Variants in RIMS2 observed in about 807,000 individuals in gnomAD.
RIMS2 encodes regulating synaptic membrane exocytosis 2, also known as regulating synaptic membrane exocytosis protein 2.
Under a neutral mutation model 174.4 loss-of-function variants are expected in RIMS2, and 59 were observed. The ratio of observed to expected loss-of-function variants is 0.34; its 90% CI spans 0.27 to 0.42. The LOEUF (loss-of-function observed/expected upper bound fraction) is 0.42, where lower values mean the gene tolerates loss of function less well. RIMS2 is among the 10% of genes least tolerant of loss of function. The probability of loss-of-function intolerance (pLI) is 1.00; values close to 1 mark genes in which losing one functional copy is unlikely to be tolerated. For synonymous variants in RIMS2, 606 were observed against 572.5 expected, an observed-to-expected ratio of 1.06 and a Z score of -0.84; for missense variants, 1,620 against 1,666.3, an observed-to-expected ratio of 0.97 and a Z score of 0.48.
At chr8:103,779,180 T>C (rs989915491) in intron 3 of RIMS2, among the ~76,000 whole-genome samples, 2 of 152,200 alleles carry the variant, frequency 1.3e-5, no homozygotes, top group Non-Finnish European at 2.9e-5. Context: ...GCAAATATTT[T>C]CTGCCATTAT....
intron 12 of RIMS2, among the ~76,000 whole-genome samples, chr8:103,935,361 T>C (rs1343599044): frequency 1.3e-5 from 2 of 152,222 alleles, no homozygotes; most frequent in African/African-American, 4.8e-5. Flanking sequence ...TATTAATTAG[T>C]GTATTTAATG....
chr8:104,203,805 A>G (rs1433987550), intron 19 of RIMS2, among the ~76,000 whole-genome samples: 1 of 152,142 alleles, frequency 6.6e-6, no homozygotes, highest in African/African-American at 2.4e-5. Context: ...TGCCTGATCT[A>G]CTTTTTATTT....
chr8:103,605,395 G>A (rs1357115617), intron 1 of RIMS2, among the ~76,000 whole-genome samples: 5 of 141,196 alleles, frequency 3.5e-5, no homozygotes, highest in South Asian at 2.2e-4. Context: ...TGCTGGATTC[G>A]TTTTGCCAGT....
chr8:104,001,857 C>G (rs2154552264), intron 17 of RIMS2, among the ~76,000 whole-genome samples: 1 of 152,164 alleles, frequency 6.6e-6, no homozygotes, highest in Non-Finnish European at 1.5e-5. Context: ...CTAAACACAA[C>G]CACCCACTAC....
At chr8:103,795,178 A>G (rs1156644831) in intron 3 of RIMS2, among the ~76,000 whole-genome samples, 2 of 152,234 alleles carry the variant, frequency 1.3e-5, no homozygotes, top group Admixed American at 1.3e-4. Flanking sequence ...AAGACCTGGA[A>G]CCAACCCAAA....
intron 19 of RIMS2, among the ~76,000 whole-genome samples, chr8:104,057,642 T>C (rs1339846546): frequency 6.6e-6 from 1 of 151,512 alleles, no homozygotes; most frequent in African/African-American, 2.4e-5. Flanking sequence ...TATGTATACA[T>C]GTGCCATGCT....
At chr8:103,883,448 T>C (rs1035070847) in intron 3 of RIMS2, among the ~76,000 whole-genome samples, 1 of 151,580 alleles carries the variant, frequency 6.6e-6, no homozygotes, top group Non-Finnish European at 1.5e-5. Context: ...CACAGAAACA[T>C]AGGGTGTTGG....
At chr8:104,120,906 G>C (rs532299553) in intron 19 of RIMS2, among the ~76,000 whole-genome samples, 11 of 152,196 alleles carry the variant, frequency 7.2e-5, no homozygotes, top group African/African-American at 2.6e-4. Flanking sequence ...AATAAACATG[G>C]GGATTAGCTA....
At chr8:103,511,432 T>C (rs190042344) in intron 1 of RIMS2, among the ~76,000 whole-genome samples, 159 of 152,342 alleles carry the variant, frequency 1.0e-3, no homozygotes, top group Middle Eastern at 0.01. Context: ...GAATTTAATA[T>C]TTCCACAAGA....
At chr8:103,550,941 A>G (rs1847539558) in intron 1 of RIMS2, among the ~76,000 whole-genome samples, 1 of 152,188 alleles carries the variant, frequency 6.6e-6, no homozygotes, top group Admixed American at 6.5e-5. Flanking sequence ...AGGCTCTGAA[A>G]TTTAGGCAAT....
At chr8:103,510,537 A>G (rs141861746) in intron 1 of RIMS2, among the ~76,000 whole-genome samples, 36 of 152,240 alleles carry the variant, frequency 2.4e-4, no homozygotes, top group Admixed American at 2.0e-4. Flanking sequence ...TCTTTAAGTT[A>G]TAGGACCGAG....
intron 1 of RIMS2, among the ~76,000 whole-genome samples, chr8:103,563,394 G>A (rs887525366): frequency 6.6e-6 from 1 of 152,132 alleles, no homozygotes; most frequent in Non-Finnish European, 1.5e-5. Context: ...GATCTCTAGG[G>A]CAGGGGTAAA....
chr8:103,783,656 C>T (rs1234944624), intron 3 of RIMS2, among the ~76,000 whole-genome samples: 1 of 151,900 alleles, frequency 6.6e-6, no homozygotes, highest in Non-Finnish European at 1.5e-5. Flanking sequence ...TTTTCTTAAT[C>T]CAGTCTATCA....
chr8:103,850,090 T>C (rs982003630), intron 3 of RIMS2, among the ~76,000 whole-genome samples: 2 of 152,032 alleles, frequency 1.3e-5, no homozygotes, highest in Non-Finnish European at 2.9e-5. Flanking sequence ...TTTGCCAGTA[T>C]CTTATTTAAC....
chr8:103,841,000 AG>A (rs1456262456), intron 3 of RIMS2, among the ~76,000 whole-genome samples: 2 of 152,212 alleles, frequency 1.3e-5, no homozygotes, highest in Admixed American at 6.5e-5. Context: ...TGAAATAGGC[AG>A]GAATGCTAGG....
intron 19 of RIMS2, among the ~76,000 whole-genome samples, chr8:104,072,441 G>A (rs187013521): frequency 5.3e-4 from 80 of 152,146 alleles, no homozygotes; most frequent in African/African-American, 1.9e-3. Context: ...AGGGAACTAA[G>A]ATATAGAAAG....
intron 3 of RIMS2, among the ~76,000 whole-genome samples, chr8:103,784,961 G>T (rs2098426991): frequency 7.1e-6 from 1 of 141,164 alleles, no homozygotes; most frequent in South Asian, 2.3e-4. Flanking sequence ...GTGGTTTGTA[G>T]TTCTCCTTGA....
At chr8:103,791,692 C>G (rs1007647090) in intron 3 of RIMS2, among the ~76,000 whole-genome samples, 3 of 152,090 alleles carry the variant, frequency 2.0e-5, no homozygotes, top group Non-Finnish European at 4.4e-5. Flanking sequence ...CATGCAGAGA[C>G]ACACATAGAC....
At chr8:103,921,607 C>T in intron 9 of RIMS2, 65 bp from the exon 13 acceptor site, 1 of 772,752 alleles carries the variant, frequency 1.3e-6, no homozygotes, top group Non-Finnish European at 2.4e-6. Context: ...AGATATATGG[C>T]AAAACTTACT....
Sources: allele counts gnomAD v4.1 joint callset (sites outside exome capture counted in the v4.1 genomes callset), GRCh38; gene constraint gnomAD v4.1.1; transcripts MANE v1.5; gene names NCBI Gene and HGNC (gene_info 2026-07-23, HGNC 2026-07-21).